Variants in CYBRD1 observed in about 807,000 individuals in gnomAD.
The protein encoded by CYBRD1 is plasma membrane ascorbate-dependent reductase CYBRD1.
In CYBRD1, 14 loss-of-function variants were observed where a neutral mutation model predicts 21.9. The observed-to-expected ratio is 0.64, with a 90% CI of 0.42 to 1.00. The LOEUF is 1.00. Among genes scored for constraint, CYBRD1 ranks in the 50% least tolerant of loss-of-function variants. The pLI, the probability that CYBRD1 is intolerant of heterozygous loss-of-function variation, is 0.00. For missense variants in CYBRD1, 328 were observed against 352.5 expected, an observed-to-expected ratio of 0.93 and a Z score of 0.56; for synonymous variants, 146 against 136.5, an observed-to-expected ratio of 1.07 and a Z score of -0.48.
At chr2:171,524,810 C>T (rs1697360881) in intron 1 of CYBRD1, among the ~76,000 whole-genome samples, 1 of 152,164 alleles carries the variant, frequency 6.6e-6, no homozygotes, top group South Asian at 2.1e-4. Context: ...GTCCAATATA[C>T]GGTTTTCTAA....
intron 2 of CYBRD1, among the ~76,000 whole-genome samples, chr2:171,552,878 A>AAAG (rs2105347485): frequency 6.6e-6 from 1 of 152,302 alleles, no homozygotes; most frequent in South Asian, 2.1e-4. Flanking sequence ...GTGATTTAAA[A>AAAG]AATCTTTTCC....
chr2:171,539,207 G>A (rs994116225), intron 1 of CYBRD1, among the ~76,000 whole-genome samples: 3 of 152,158 alleles, frequency 2.0e-5, no homozygotes, highest in Non-Finnish European at 4.4e-5. Flanking sequence ...CATGAGGCCA[G>A]GCACTGTAGT....
chr2:171,528,286 C>T (rs1254209104), intron 1 of CYBRD1, among the ~76,000 whole-genome samples: 1 of 151,908 alleles, frequency 6.6e-6, no homozygotes, highest in Non-Finnish European at 1.5e-5. Flanking sequence ...GGTTTCTCCA[C>T]GTTGGTCAGG....
At position 171,525,607 on chromosome 2, in the gene CYBRD1, G is replaced by A. The variant is rs138666788; in HGVS notation, c.193+2869G>A. 3.7e-3 allele frequency among the ~76,000 whole-genome samples: 561 copies of A among 152,232 alleles called. 5 individuals are homozygous for A. Among genetic ancestry groups the A allele is most frequent in the African/African-American group, 0.013 (540 of 41,550 alleles). On this transcript the variant is annotated intron_variant, in intron 1 of 3. Coordinates refer to ENST00000321348, the MANE Select transcript of CYBRD1 (RefSeq NM_024843.4). ...TGCAAGGAGGAAAATTTTAGGCTAT[G>A]AGATTTCAAATCTCTAACAAAGAAC... is the stretch of plus-strand genomic sequence containing the variant.
chr2:171,540,282 G>A (rs1032774283), intron 1 of CYBRD1, among the ~76,000 whole-genome samples: 2 of 152,108 alleles, frequency 1.3e-5, no homozygotes, highest in East Asian at 1.9e-4. Flanking sequence ...ACTTGTTAAC[G>A]TCTGGCTTCT....
chr2:171,528,253 T>G (rs6704600), intron 1 of CYBRD1, among the ~76,000 whole-genome samples: 22,801 of 151,912 alleles, frequency 0.15, 1,903 homozygotes, highest in Non-Finnish European at 0.18. Context: ...GCCCAGCTAA[T>G]TTTGTATTTT....
intron 2 of CYBRD1, 67 bp downstream of exon 2, chr2:171,541,860 T>C (rs1697638820): frequency 9.3e-6 from 11 of 1,183,442 alleles, no homozygotes; most frequent in Admixed American, 4.3e-5. Flanking sequence ...TGTTTTCTTT[T>C]CTTTTTTTTT....
intron 2 of CYBRD1, among the ~76,000 whole-genome samples, chr2:171,546,530 T>C (rs982431354): frequency 6.6e-6 from 1 of 152,200 alleles, no homozygotes; most frequent in Non-Finnish European, 1.5e-5. Flanking sequence ...AATCTATTCA[T>C]ATATTCAGCA....
At chr2:171,552,170 T>C (rs1268348238) in intron 2 of CYBRD1, among the ~76,000 whole-genome samples, 1 of 152,232 alleles carries the variant, frequency 6.6e-6, no homozygotes, top group African/African-American at 2.4e-5. Flanking sequence ...TATAGCATGT[T>C]CTGTCCTAAT....
chr2:171,555,114 A>C lies in CYBRD1; in HGVS notation c.*287A>C. 1 of 410,694 alleles carries C rather than the reference A, an allele frequency of 2.4e-6. No individual in the cohort carries two copies. Among genetic ancestry groups the C allele is most frequent in the Non-Finnish European group, 4.5e-6 (1 of 222,966 alleles). 25.4% of individuals were successfully genotyped at this position (410,694 alleles called of 1,614,324 possible). On this transcript the variant is annotated 3_prime_UTR_variant, in exon 4 of 4. Transcript: ENST00000321348. ...GGTGCCTTGTGCAGAATAGATACTC[A>C]ATATGTGAATATGTGTCTACTAGTA... is the stretch of plus-strand genomic sequence containing the variant.
At chr2:171,537,073 G>A (rs1381199920) in intron 1 of CYBRD1, among the ~76,000 whole-genome samples, 1 of 152,178 alleles carries the variant, frequency 6.6e-6, no homozygotes, top group Non-Finnish European at 1.5e-5. Flanking sequence ...TCTTCACAGA[G>A]TTGAGGTGAG....
chr2:171,554,497 T>C, intron 3 of CYBRD1, 27 bp from the exon 4 acceptor site: 1 of 1,611,906 alleles, frequency 6.2e-7, no homozygotes, highest in Non-Finnish European at 8.5e-7. Flanking sequence ...ATCCTGTTTG[T>C]AATTGGATAC....
chr2:171,538,144 T>C (rs1176981154), intron 1 of CYBRD1, among the ~76,000 whole-genome samples: 1 of 152,052 alleles, frequency 6.6e-6, no homozygotes, highest in Non-Finnish European at 1.5e-5. Flanking sequence ...GGGCGCGTAT[T>C]CCCAGCTACT....
intron 1 of CYBRD1, among the ~76,000 whole-genome samples, chr2:171,525,290 TTGTCCCGTCATTACTCATCC>T (rs1326187149): frequency 6.6e-6 from 1 of 152,178 alleles, no homozygotes; most frequent in East Asian, 1.9e-4. Flanking sequence ...GGTCCAGAGT[TTGTCCCGTCATTACTCATCC>T]TGTTTCCTGT....
rs150461979 is a variant in CYBRD1, at chr2:171,554,632, G to T, written c.666G>T (p.Pro222=). 1 of 1,613,974 alleles carries T rather than the reference G, an allele frequency of 6.2e-7. No homozygotes were observed. Among genetic ancestry groups the T allele is most frequent in the Admixed American group, 1.7e-5 (1 of 59,982 alleles). ...GALIFWIVTR[P]QWKRPKEPNS... is the part of the protein sequence containing the mutation. ...TCATTTTTTGGATAGTCACCAGACC[G>T]CAATGGAAACGTCCTAAGGAGCCAA... is the stretch of plus-strand genomic sequence containing the variant. The change falls in exon 4 of 4, where the codon CCG becomes CCT. Residue 222 remains proline, a synonymous_variant. Transcript: ENST00000321348.
intron 1 of CYBRD1, among the ~76,000 whole-genome samples, chr2:171,526,430 TC>T (rs1428973240): frequency 6.6e-6 from 1 of 150,384 alleles, no homozygotes; most frequent in South Asian, 2.1e-4. Flanking sequence ...CCCCTCTCTC[TC>T]CCCTCCTTTC....
chr2:171,549,287 A>G (rs1490282948), intron 2 of CYBRD1, among the ~76,000 whole-genome samples: 1 of 152,026 alleles, frequency 6.6e-6, no homozygotes, highest in Non-Finnish European at 1.5e-5. Flanking sequence ...CTTCACCATG[A>G]TGTCCAGGCT....
chr2:171,540,393 T>C (rs989616766), intron 1 of CYBRD1, among the ~76,000 whole-genome samples: 16 of 152,236 alleles, frequency 1.1e-4, no homozygotes, highest in African/African-American at 3.6e-4. Context: ...CTATTGATGA[T>C]GGGCATTTGG....
chr2:171,522,404 G>A (rs1697317553), upstream of CYBRD1: 12 of 1,500,422 alleles, frequency 8.0e-6, no homozygotes, highest in Non-Finnish European at 9.8e-6. The surrounding 1 kb of genome is among the most constrained non-coding windows in gnomAD (Gnocchi z 4.3). Flanking sequence ...TTCCGGGCCA[G>A]CAGCCCAGAA....
Sources: allele counts gnomAD v4.1 joint callset (sites outside exome capture counted in the v4.1 genomes callset), GRCh38; gene constraint gnomAD v4.1.1; non-coding constraint Gnocchi (gnomAD v3.1); transcripts MANE v1.5; gene names NCBI Gene and HGNC (gene_info 2026-07-23, HGNC 2026-07-21).